The following CPE variants were observed in gnomAD, a reference collection of about 807,000 sequenced individuals.
CPE encodes carbocypeptidase E.
Under a neutral mutation model 53.5 loss-of-function variants are expected in CPE, and 17 were observed. That is an observed-to-expected ratio of 0.32 (90% confidence interval 0.22 to 0.48). CPE has a LOEUF of 0.48. Among genes scored for constraint, CPE ranks in the 20% least tolerant of loss-of-function variants. The pLI is 0.99. For synonymous variants in CPE, 226 were observed against 228.8 expected (o/e 0.99, Z 0.11); for missense variants, 524 against 614.7 (o/e 0.85, Z 1.56).
At chr4:165,406,273 G>A (rs149679161) in intron 1 of CPE, 11,296 of 620,892 alleles carry the variant, frequency 0.018, 232 homozygotes, top group Middle Eastern at 0.039. Context: ...AAATTGCGGC[G>A]TATATAACCT....
intron 1 of CPE, among the ~76,000 whole-genome samples, chr4:165,402,992 CTCT>C (rs1191414911): frequency 6.6e-6 from 1 of 152,136 alleles, no homozygotes; most frequent in Admixed American, 6.5e-5. Flanking sequence ...AAATGCCAGA[CTCT>C]TCTTCTGTTT....
chr4:165,442,023 GT>G (rs11415472), intron 1 of CPE, among the ~76,000 whole-genome samples: 22 of 107,422 alleles, frequency 2.0e-4, no homozygotes, highest in Admixed American at 3.8e-4. Context: ...CGGTGAGTTT[GT>G]TTTTTTTTTT....
At chr4:165,395,275 T>C (rs1730744424) in intron 1 of CPE, among the ~76,000 whole-genome samples, 1 of 152,186 alleles carries the variant, frequency 6.6e-6, no homozygotes, top group South Asian at 2.1e-4. Flanking sequence ...ATAATATTAT[T>C]TGTGGTGAAA....
chr4:165,446,985 G>A (rs1033732481), intron 1 of CPE, among the ~76,000 whole-genome samples: 2 of 152,148 alleles, frequency 1.3e-5, no homozygotes, highest in African/African-American at 2.4e-5. Flanking sequence ...TAGGTTATGT[G>A]GTATAGCCTA....
intron 1 of CPE, among the ~76,000 whole-genome samples, chr4:165,464,043 G>T (rs969146271): frequency 6.6e-6 from 1 of 152,150 alleles, no homozygotes; most frequent in Non-Finnish European, 1.5e-5. Flanking sequence ...AGAGGGCTCT[G>T]GTGTCTCTTC....
At chr4:165,452,944 T>G (rs945841722) in intron 1 of CPE, among the ~76,000 whole-genome samples, 2 of 152,202 alleles carry the variant, frequency 1.3e-5, no homozygotes, top group Non-Finnish European at 2.9e-5. Flanking sequence ...CAAATGATTC[T>G]GACCCAGAGC....
chr4:165,405,943 T>C, intron 1 of CPE: 1 of 731,314 alleles, frequency 1.4e-6, no homozygotes, highest in Non-Finnish European at 2.6e-6. Flanking sequence ...CAACAGGCTT[T>C]ATGGACTTTT....
intron 3 of CPE, among the ~76,000 whole-genome samples, chr4:165,469,132 C>G (rs757892810): frequency 1.3e-5 from 2 of 152,164 alleles, no homozygotes; most frequent in East Asian, 1.9e-4. Context: ...TTATGTAGCT[C>G]AGGGCTAGGT....
intron 1 of CPE, among the ~76,000 whole-genome samples, chr4:165,387,634 C>A (rs1391765710): frequency 6.6e-6 from 1 of 151,102 alleles, no homozygotes; most frequent in African/African-American, 2.4e-5. Flanking sequence ...CATGGTGAAA[C>A]CCCGTCTCTA....
intron 1 of CPE, chr4:165,404,120 G>A (rs1047436833): frequency 1.5e-5 from 12 of 826,642 alleles, no homozygotes; most frequent in Non-Finnish European, 2.1e-5. Context: ...CAGCTGGCTT[G>A]GGGTGAACTC....
intron 1 of CPE, among the ~76,000 whole-genome samples, chr4:165,412,502 T>TA (rs1645406674): frequency 6.6e-6 from 1 of 152,206 alleles, no homozygotes; most frequent in Admixed American, 6.5e-5. Flanking sequence ...TTACTATTAT[T>TA]ATCTCGATTT....
chr4:165,428,441 G>C (rs1047180907), intron 1 of CPE, among the ~76,000 whole-genome samples: 2 of 146,534 alleles, frequency 1.4e-5, no homozygotes, highest in Admixed American at 1.4e-4. Flanking sequence ...AAGACTTACT[G>C]TAATGGGAGA....
chr4:165,455,091 A>C (rs1250284536), intron 1 of CPE, among the ~76,000 whole-genome samples: 5 of 152,232 alleles, frequency 3.3e-5, no homozygotes, highest in African/African-American at 1.2e-4. Context: ...GCTGCCTCCT[A>C]AACTTTTCTT....
At chr4:165,381,119 G>A (rs1730499434) in intron 1 of CPE, among the ~76,000 whole-genome samples, 1 of 152,158 alleles carries the variant, frequency 6.6e-6, no homozygotes, top group Non-Finnish European at 1.5e-5. Flanking sequence ...GAGATTATAT[G>A]AAAGCTAATG....
chr4:165,444,928 A>G (rs1477915842), intron 1 of CPE, among the ~76,000 whole-genome samples: 1 of 147,840 alleles, frequency 6.8e-6, no homozygotes, highest in African/African-American at 2.5e-5. Flanking sequence ...TTCCATATGT[A>G]TTATTCCATT....
chr4:165,385,428 G>T (rs920990572), intron 1 of CPE, among the ~76,000 whole-genome samples: 13 of 114,080 alleles, frequency 1.1e-4, no homozygotes, highest in African/African-American at 3.2e-4. Flanking sequence ...TTTTATTTTT[G>T]TTCACAAATG....
At chr4:165,451,922 C>T (rs73860770) in intron 1 of CPE, among the ~76,000 whole-genome samples, 2 of 151,964 alleles carry the variant, frequency 1.3e-5, no homozygotes, top group East Asian at 3.8e-4. Flanking sequence ...TACCGCCCCC[C>T]CAACCCCCGT....
intron 1 of CPE, among the ~76,000 whole-genome samples, chr4:165,401,201 G>T (rs990214143): frequency 6.6e-6 from 1 of 152,172 alleles, no homozygotes; most frequent in Non-Finnish European, 1.5e-5. Context: ...TGTAAGTGGT[G>T]CCATTGCTTA....
At chr4:165,482,478 G>A in intron 4 of CPE, 119 bp downstream of exon 4, 1 of 695,796 alleles carries the variant, frequency 1.4e-6, no homozygotes, top group South Asian at 2.0e-5. Context: ...TTTGCCTGAA[G>A]AAAGAACTAT....
Sources: gnomAD v4.1 joint callset for allele counts (sites outside exome capture counted in the v4.1 genomes callset) on GRCh38, gnomAD v4.1.1 for gene constraint, MANE v1.5 for transcripts, NCBI Gene and HGNC (gene_info 2026-07-23, HGNC 2026-07-21) for gene names.